The following CFAP97D2 variants were observed in gnomAD, a reference collection of about 807,000 sequenced individuals.
The protein encoded by CFAP97D2 is CFAP97 domain containing 2, also known as uncharacterized protein CFAP97D2.
intron 1 of CFAP97D2, among the ~76,000 whole-genome samples, chr13:114,194,595 C>A (rs1030431045): frequency 6.6e-6 from 1 of 151,972 alleles, no homozygotes; most frequent in African/African-American, 2.4e-5. Context: ...CACTCATTTC[C>A]CCCCCAAGAG....
intron 1 of CFAP97D2, among the ~76,000 whole-genome samples, chr13:114,181,377 A>T (rs1283396484): frequency 1.3e-5 from 2 of 152,156 alleles, no homozygotes; most frequent in Admixed American, 6.5e-5. Context: ...TGAGGGTAGG[A>T]CATGAAACCT....
intron 4 of CFAP97D2, among the ~76,000 whole-genome samples, chr13:114,220,740 T>C (rs1235138387): frequency 2.6e-5 from 4 of 152,030 alleles, no homozygotes; most frequent in African/African-American, 9.7e-5. Context: ...GGAGCAAAAT[T>C]AGCTGTTTAA....
intron 1 of CFAP97D2, among the ~76,000 whole-genome samples, chr13:114,180,003 A>G (rs1269535902): frequency 1.3e-5 from 2 of 152,086 alleles, no homozygotes; most frequent in Non-Finnish European, 1.5e-5. Context: ...CTAAAAGCCA[A>G]CCCTTGTCCC....
chr13:114,196,671 C>T (rs983239627), intron 2 of CFAP97D2, among the ~76,000 whole-genome samples, 195 bp downstream of exon 2: 45 of 152,126 alleles, frequency 3.0e-4, no homozygotes, highest in Admixed American at 3.3e-4. Flanking sequence ...TTTCCCCAGT[C>T]GTTGTGCTGA....
At chr13:114,206,424 G>A (rs919038923) in intron 3 of CFAP97D2, among the ~76,000 whole-genome samples, 3 of 152,074 alleles carry the variant, frequency 2.0e-5, no homozygotes, top group African/African-American at 4.8e-5. Flanking sequence ...TTAAATAAAT[G>A]TTTCTTCTTA....
At chr13:114,181,015 C>T (rs761450410) in intron 1 of CFAP97D2, among the ~76,000 whole-genome samples, 34 of 152,310 alleles carry the variant, frequency 2.2e-4, no homozygotes, top group African/African-American at 7.5e-4. Context: ...TCTGTGACGT[C>T]GGAAACCTAC....
Position 114,185,113 on chromosome 13 carries a change from C to T in CFAP97D2, c.90+5693C>T, listed in dbSNP as rs2080849988. On this transcript the variant is annotated intron_variant, in intron 1 of 4. Transcript: ENST00000646158. The surrounding 1 kb of genome is among the most constrained non-coding windows in gnomAD (Gnocchi z 5.2). ...CACATCCCCAAGGCAGCCAACTGTG[C>T]TGCCCCAACCCTTGTGTGGCCAGGC... is the stretch of plus-strand genomic sequence containing the variant. Among the ~76,000 whole-genome samples the T allele has an allele frequency of 6.6e-6, 1 of 152,238 alleles. No individual in the cohort carries two copies. The highest frequency in any genetic ancestry group is 1.5e-5 in the Non-Finnish European group (1 of 68,042).
chr13:114,215,502 C>T (rs2080989278), intron 4 of CFAP97D2, among the ~76,000 whole-genome samples: 1 of 152,160 alleles, frequency 6.6e-6, no homozygotes, highest in Admixed American at 6.5e-5. Flanking sequence ...AAGTATTCTC[C>T]TGTATTCTCT....
chr13:114,203,894 A>G lies in CFAP97D2; in HGVS notation c.290+3451A>G, dbSNP rs1039616177. Among the ~76,000 whole-genome samples, 1 of 152,174 alleles carries G rather than the reference A, an allele frequency of 6.6e-6. No homozygotes were observed. Among genetic ancestry groups the G allele is most frequent in the Non-Finnish European group, 1.5e-5 (1 of 68,020 alleles). On this transcript the variant is annotated intron_variant, in intron 3 of 4. Transcript: ENST00000646158. The surrounding 1 kb of genome is among the most constrained non-coding windows in gnomAD (Gnocchi z 4.3). ...AAACCCAATCTACAAATTCAATACA[A>G]TCCCAATTAGAACTCCAGCCAACTT...
chr13:114,186,354 C>T lies in CFAP97D2; in HGVS notation c.90+6934C>T, dbSNP rs999284973. 2.6e-5 allele frequency among the ~76,000 whole-genome samples: 4 copies of T among 152,158 alleles called. No individual in the cohort carries two copies. The highest frequency in any genetic ancestry group is 7.2e-5 in the African/African-American group (3 of 41,438). Reference sequence around the variant, plus strand: ...TGGAGAGGAGCTGCCCACTGTGGGTCTCCTCTGAGCTGTTCTATTGTTCAG... The same window carrying T: ...TGGAGAGGAGCTGCCCACTGTGGGTTTCCTCTGAGCTGTTCTATTGTTCAG... On this transcript the variant is annotated intron_variant, in intron 1 of 4. Coordinates refer to ENST00000646158, the Ensembl canonical transcript of CFAP97D2. This position sits in a 1 kb window ranked among gnomAD's most constrained non-coding sequence, Gnocchi z 4.3.
At chr13:114,208,898 T>C (rs1298707661) in intron 3 of CFAP97D2, among the ~76,000 whole-genome samples, 1 of 152,070 alleles carries the variant, frequency 6.6e-6, no homozygotes, top group Non-Finnish European at 1.5e-5. Flanking sequence ...AAGATGCGAG[T>C]TCTCCCTGCC....
chr13:114,186,266 C>A lies in CFAP97D2; in HGVS notation c.90+6846C>A, dbSNP rs1024327790. ...CTGAGAGCTGAGACGTCAGGACAAC[C>A]AGCTTCAGGGAGGAGCTACCCTCTC... On this transcript the variant is annotated intron_variant, in intron 1 of 4. Coordinates refer to ENST00000646158, the Ensembl canonical transcript of CFAP97D2. The surrounding 1 kb of genome is among the most constrained non-coding windows in gnomAD (Gnocchi z 4.3). 1.3e-5 allele frequency among the ~76,000 whole-genome samples: 2 copies of A among 152,080 alleles called. No individual in the cohort carries two copies. Among genetic ancestry groups the A allele is most frequent in the Admixed American group, 1.3e-4 (2 of 15,274 alleles).
rs531732375 is a variant in CFAP97D2, at chr13:114,207,087, C to T, written c.291-4825C>T. Reference sequence around the variant, plus strand: ...GGCACAGGCTGCCAAGCATCACCACCGCATGGCAGCAGTGTCCCCGCATCC... The same window carrying T: ...GGCACAGGCTGCCAAGCATCACCACTGCATGGCAGCAGTGTCCCCGCATCC... On this transcript the variant is annotated intron_variant, in intron 3 of 4. Transcript: ENST00000646158. The surrounding 1 kb of genome is among the most constrained non-coding windows in gnomAD (Gnocchi z 4.9). 6.6e-5 allele frequency among the ~76,000 whole-genome samples: 10 copies of T among 152,320 alleles called. No individual in the cohort carries two copies. In the South Asian group the frequency reaches 1.0e-3, roughly 16 times the overall value.
At chr13:114,204,762 G>C (rs1187827796) in intron 3 of CFAP97D2, among the ~76,000 whole-genome samples, 5 of 152,188 alleles carry the variant, frequency 3.3e-5, no homozygotes, top group Non-Finnish European at 2.9e-5. Flanking sequence ...CGTGACTTCA[G>C]ATTTGGCAAT....
Position 114,202,076 on chromosome 13 carries a change from A to G in CFAP97D2, c.290+1633A>G, listed in dbSNP as rs191268044. The stretch of plus-strand genomic sequence containing the variant: ...GAAGGTTCCCTATGGGTGCCTTTGC[A>G]CTTTCTGGATTTTATGTGTATAGGT... On this transcript the variant is annotated intron_variant, in intron 3 of 4. Coordinates refer to ENST00000646158, the Ensembl canonical transcript of CFAP97D2. Among the ~76,000 whole-genome samples, 16 of 152,236 alleles carry G rather than the reference A, an allele frequency of 1.1e-4. No homozygotes were observed. In the East Asian group the frequency reaches 3.1e-3, roughly 29 times the overall value.
At chr13:114,195,321 T>C (rs909628708) in intron 1 of CFAP97D2, among the ~76,000 whole-genome samples, 23 of 152,222 alleles carry the variant, frequency 1.5e-4, no homozygotes, top group Non-Finnish European at 7.3e-5. Context: ...AGCTCCTAAG[T>C]GTGCTCTGTG....
intron 3 of CFAP97D2, among the ~76,000 whole-genome samples, chr13:114,204,975 T>A (rs2080932821): frequency 6.6e-6 from 1 of 152,172 alleles, no homozygotes. Flanking sequence ...CACAGTTCAG[T>A]GATAAAGACA....
At chr13:114,222,723 C>G, downstream of CFAP97D2, 1 of 391,402 alleles carries the variant, frequency 2.6e-6, no homozygotes, top group East Asian at 3.6e-5. This position sits in a 1 kb window ranked among gnomAD's most constrained non-coding sequence, Gnocchi z 4.4. Context: ...GCCAGGGCAG[C>G]CCCGCTGTCT....
chr13:114,198,345 A>C (rs2080896390), intron 2 of CFAP97D2, among the ~76,000 whole-genome samples: 1 of 152,226 alleles, frequency 6.6e-6, no homozygotes, highest in South Asian at 2.1e-4. Flanking sequence ...GCTGAACTGA[A>C]GCCGAGTAAC....
Sources: allele counts gnomAD v4.1 joint callset (sites outside exome capture counted in the v4.1 genomes callset), GRCh38; gene constraint gnomAD v4.1.1; non-coding constraint Gnocchi (gnomAD v3.1); transcripts MANE v1.5; gene names NCBI Gene and HGNC (gene_info 2026-07-23, HGNC 2026-07-21).